WIPI2: variants seen among roughly 807,000 people sequenced by gnomAD.
WIPI2 encodes WD repeat domain, phosphoinositide interacting 2.
In WIPI2, 28 loss-of-function variants were observed where a neutral mutation model predicts 52.3. That is an observed-to-expected ratio of 0.54 (90% CI 0.40 to 0.73). The LOEUF (loss-of-function observed/expected upper bound fraction) is 0.73, where lower values mean the gene tolerates loss of function less well. Among genes scored for constraint, WIPI2 ranks in the 30% least tolerant of loss-of-function variants. WIPI2 has a pLI of 0.00. For missense variants in WIPI2, 506 were observed against 602.9 expected, an observed-to-expected ratio of 0.84 and a Z score of 1.68; for synonymous variants, 268 against 245.0, an observed-to-expected ratio of 1.09 and a Z score of -0.88.
At chr7:5,217,355 A>C (rs1444538150) in intron 6 of WIPI2, 168 bp downstream of exon 6, 1 of 705,720 alleles carries the variant, frequency 1.4e-6, no homozygotes, top group Non-Finnish European at 2.4e-6. Context: ...CCCATGCTGG[A>C]GTGCAGTGGT....
At chr7:5,195,962 C>T (rs1000110177) in intron 2 of WIPI2, among the ~76,000 whole-genome samples, 3 of 151,816 alleles carry the variant, frequency 2.0e-5, no homozygotes, top group African/African-American at 7.3e-5. Flanking sequence ...TCACTTGAAC[C>T]GGGAGGCTGA....
At chr7:5,198,513 C>T (rs1368873059) in intron 2 of WIPI2, among the ~76,000 whole-genome samples, 2 of 152,120 alleles carry the variant, frequency 1.3e-5, no homozygotes, top group Non-Finnish European at 2.9e-5. Flanking sequence ...AGGTTTTCGC[C>T]ATGTTGGCCA....
intron 8 of WIPI2, 65 bp from the exon 9 acceptor site, chr7:5,225,758 T>C: frequency 8.3e-7 from 1 of 1,205,826 alleles, no homozygotes; most frequent in Non-Finnish European, 1.2e-6. Flanking sequence ...TCTCCGCCAC[T>C]TGAGTTGAAC....
At chr7:5,216,840 G>T in intron 5 of WIPI2, 181 bp downstream of exon 5, 1 of 711,368 alleles carries the variant, frequency 1.4e-6, no homozygotes, top group Non-Finnish European at 2.3e-6. Context: ...AAGCTCATTG[G>T]TTTGATCAAC....
intron 7 of WIPI2, among the ~76,000 whole-genome samples, chr7:5,219,958 C>T (rs1238786454): frequency 2.0e-5 from 3 of 151,954 alleles, no homozygotes; most frequent in Non-Finnish European, 4.4e-5. Context: ...ACTTCAGCCT[C>T]CCAAGTAGCT....
rs1387749993 is a variant in WIPI2, at chr7:5,233,307, A to G, written c.*2360A>G. On this transcript the variant is annotated 3_prime_UTR_variant, in exon 13 of 13. Coordinates refer to ENST00000288828, the MANE Select transcript of WIPI2 (RefSeq NM_015610.4). ...CCCAGCCTCACTGGCGGCCTCAGACATGCTCAGGAGTGACGGGGACAGAGG... is the reference window on the plus strand; with the variant it reads ...CCCAGCCTCACTGGCGGCCTCAGACGTGCTCAGGAGTGACGGGGACAGAGG... 5 of 152,210 alleles carry G rather than the reference A, an allele frequency of 3.3e-5. No homozygotes were observed. The highest frequency in any genetic ancestry group is 9.7e-5 in the African/African-American group (4 of 41,444). 9.4% of individuals were successfully genotyped at this position (152,210 alleles called of 1,614,324 possible). A position where few individuals can be genotyped will look rare whatever the true frequency, so the allele number is the denominator to read the frequency against.
chr7:5,227,733 C>T lies in WIPI2; in HGVS notation c.1014-371C>T, dbSNP rs934274370. Among the ~76,000 whole-genome samples, 8 of 152,174 alleles carry T rather than the reference C, an allele frequency of 5.3e-5. No homozygotes were observed. Among genetic ancestry groups the T allele is most frequent in the African/African-American group, 1.4e-4 (6 of 41,444 alleles). On this transcript the variant is annotated intron_variant, in intron 10 of 12. Transcript: ENST00000288828. This position sits in a 1 kb window ranked among gnomAD's most constrained non-coding sequence, Gnocchi z 8.1. ...GCCTGTGGAGGTTCTGTGCTGCGTG[C>T]GGGAAAGATTGTCATTACACCCAGT...
chr7:5,192,331 G>A (rs895702077), intron 1 of WIPI2, among the ~76,000 whole-genome samples: 1 of 152,204 alleles, frequency 6.6e-6, no homozygotes, highest in Non-Finnish European at 1.5e-5. Context: ...TAGTAGTAGG[G>A]TGGTTTATGC....
chr7:5,226,971 T>C lies in WIPI2; in HGVS notation c.849-209T>C, dbSNP rs974106407. The C allele has an allele frequency of 1.5e-5, 9 of 610,478 alleles. No individual in the cohort carries two copies. In the African/African-American group the frequency reaches 1.5e-4, roughly 10 times the overall value. The allele number at this position is 610,478 out of a possible 1,614,324, so 37.8% of individuals were successfully genotyped here. On this transcript the variant is annotated intron_variant, in intron 9 of 12. Coordinates refer to ENST00000288828, the MANE Select transcript of WIPI2 (RefSeq NM_015610.4). The stretch of plus-strand genomic sequence containing the variant: ...AAGGCTGTAGCTCCTCCCTGAAGCC[T>C]GAGCACCCCTCCCCCGACACCTCCC...
intron 3 of WIPI2, among the ~76,000 whole-genome samples, chr7:5,205,032 G>T (rs1234269823): frequency 6.6e-6 from 1 of 152,130 alleles, no homozygotes; most frequent in Non-Finnish European, 1.5e-5. Flanking sequence ...CTGGAGTGCA[G>T]TGGTGAGATC....
chr7:5,206,804 C>G (rs1366474129), intron 3 of WIPI2, among the ~76,000 whole-genome samples: 1 of 152,182 alleles, frequency 6.6e-6, no homozygotes, highest in East Asian at 1.9e-4. Flanking sequence ...GCATCTAGCT[C>G]TGTCACCCAG....
intron 7 of WIPI2, among the ~76,000 whole-genome samples, chr7:5,219,231 C>T (rs1005615730): frequency 6.6e-6 from 1 of 152,204 alleles, no homozygotes; most frequent in Non-Finnish European, 1.5e-5. Flanking sequence ...TGCCCGGGGC[C>T]GCCCAACTGG....
Position 5,233,420 on chromosome 7 carries a change from A to T in WIPI2, c.*2473A>T, listed in dbSNP as rs936580135. On this transcript the variant is annotated 3_prime_UTR_variant, in exon 13 of 13. Coordinates refer to ENST00000288828, the MANE Select transcript of WIPI2 (RefSeq NM_015610.4). ...CCCTGAACCAAACAGAACGTGTGCT[A>T]ATTTTCCGAACTCCAAACTGTACAC... The T allele has an allele frequency of 1.3e-5, 2 of 152,270 alleles. No individual in the cohort carries two copies. The highest frequency in any genetic ancestry group is 2.9e-5 in the Non-Finnish European group (2 of 68,046). The allele number at this position is 152,270 out of a possible 1,614,324, so 9.4% of individuals were successfully genotyped here.
At chr7:5,200,029 C>A (rs974360037) in intron 3 of WIPI2, among the ~76,000 whole-genome samples, 1 of 152,172 alleles carries the variant, frequency 6.6e-6, no homozygotes, top group Non-Finnish European at 1.5e-5. Flanking sequence ...CCTGTAGGAA[C>A]AATTTATTTT....
chr7:5,222,462 G>A (rs1783190046), intron 7 of WIPI2, 140 bp from the exon 8 acceptor site: 1 of 825,176 alleles, frequency 1.2e-6, no homozygotes, highest in African/African-American at 1.7e-5. Flanking sequence ...GGGGGCCCTG[G>A]GGGACCCCAG....
rs1168380071 is a variant in WIPI2, at chr7:5,214,535, C to G, written c.212C>G (p.Thr71Ser). The stretch of plus-strand genomic sequence containing the variant: ...CATGTACTTCCCTTTGTGATTTCAG[C>G]CGATACGGAAGATGTGTGCATTGTA... ...VDKLEQIYECTDTEDVCIVER... is the reference protein window; with the variant it reads ...VDKLEQIYECSDTEDVCIVER... Residue 71 changes from threonine to serine, a missense_variant and splice_region_variant, in exon 4 of 13, where the codon ACC (threonine) becomes AGC (serine). Around this residue, in one of 4 missense-constraint regions of WIPI2, gnomAD observed 237 missense variants for 346.9 expected, o/e 0.68. Coordinates refer to ENST00000288828, the MANE Select transcript of WIPI2 (RefSeq NM_015610.4). The G allele has an allele frequency of 6.2e-6, 10 of 1,614,224 alleles. No homozygotes were observed. The highest frequency in any genetic ancestry group is 7.6e-6 in the Non-Finnish European group (9 of 1,180,046).
At chr7:5,226,844 T>TCC (rs5882048) in intron 9 of WIPI2, 45,234 of 179,656 alleles carry the variant, frequency 0.25, 6,184 homozygotes, top group Admixed American at 0.43. Flanking sequence ...TTTGGAGACT[T>TCC]CTATTACAGA....
At chr7:5,202,630 C>G (rs1026142470) in intron 3 of WIPI2, among the ~76,000 whole-genome samples, 1 of 152,148 alleles carries the variant, frequency 6.6e-6, no homozygotes, top group Non-Finnish European at 1.5e-5. Flanking sequence ...AAGCAGTCCT[C>G]CCACCTCAGC....
intron 2 of WIPI2, among the ~76,000 whole-genome samples, chr7:5,195,586 A>G (rs1781709672): frequency 6.6e-6 from 1 of 152,222 alleles, no homozygotes; most frequent in African/African-American, 2.4e-5. Context: ...AAAATCTCCT[A>G]CTTACCTGTT....
Sources: gnomAD v4.1 joint callset for allele counts (sites outside exome capture counted in the v4.1 genomes callset) on GRCh38, gnomAD v4.1.1 for gene constraint, gnomAD v4.1.1 regional missense constraint, Gnocchi (gnomAD v3.1) non-coding constraint, MANE v1.5 for transcripts, NCBI Gene and HGNC (gene_info 2026-07-23, HGNC 2026-07-21) for gene names.